MCC: variants seen among roughly 807,000 people sequenced by gnomAD.
MCC encodes the protein MCC regulator of Wnt signaling pathway, also known as colorectal mutant cancer protein.
A neutral mutation model predicts 116.2 loss-of-function variants in MCC; 90 were observed. That is an observed-to-expected ratio of 0.77 (90% CI 0.65 to 0.92). The LOEUF is 0.92. Ranked by LOEUF, MCC falls within the 40% of genes least tolerant of loss-of-function variation. The pLI, the probability that MCC is intolerant of heterozygous loss-of-function variation, is 0.00. For synonymous variants in MCC, 578 were observed against 510.5 expected, an observed-to-expected ratio of 1.13 and a Z score of -1.78; for missense variants, 1,516 against 1,312.2, an observed-to-expected ratio of 1.16 and a Z score of -2.40.
chr5:113,097,237 CAAA>C (rs1436494279), intron 8 of MCC, among the ~76,000 whole-genome samples: 1 of 151,856 alleles, frequency 6.6e-6, no homozygotes, highest in African/African-American at 2.4e-5. Context: ...TTAAAGAGGA[CAAA>C]GAAGAAAAAA....
chr5:113,168,596 G>T (rs1178621709), intron 3 of MCC, among the ~76,000 whole-genome samples: 1 of 152,196 alleles, frequency 6.6e-6, no homozygotes, highest in Admixed American at 6.5e-5. Context: ...TTTCTATGGT[G>T]AGTTCAAATT....
At chr5:113,308,450 A>T (rs531817394) in intron 3 of MCC, among the ~76,000 whole-genome samples, 1 of 152,276 alleles carries the variant, frequency 6.6e-6, no homozygotes, top group South Asian at 2.1e-4. Flanking sequence ...CAAACCAGAG[A>T]GTGCCCACTC....
chr5:113,035,331 C>T (rs2150209997), intron 17 of MCC, among the ~76,000 whole-genome samples: 1 of 152,324 alleles, frequency 6.6e-6, no homozygotes, highest in Middle Eastern at 3.4e-3. Context: ...TCACCACACC[C>T]AGGTCCAAGT....
intron 2 of MCC, among the ~76,000 whole-genome samples, chr5:113,356,872 G>A (rs1408559583): frequency 1.3e-5 from 2 of 152,218 alleles, no homozygotes; most frequent in African/African-American, 4.8e-5. Flanking sequence ...ACCAGATACT[G>A]TACTAAGCAT....
intron 6 of MCC, among the ~76,000 whole-genome samples, chr5:113,108,652 CAAA>C (rs58617659): frequency 2.0e-4 from 23 of 115,288 alleles, no homozygotes; most frequent in Non-Finnish European, 2.0e-4. Flanking sequence ...GACTCCATTT[CAAA>C]AAAAAAAAAA....
intron 1 of MCC, among the ~76,000 whole-genome samples, chr5:113,473,912 C>A (rs1208093051): frequency 6.6e-6 from 1 of 152,010 alleles, no homozygotes; most frequent in Non-Finnish European, 1.5e-5. Context: ...GTATTTCAGG[C>A]CTGAAAAGCT....
intron 1 of MCC, among the ~76,000 whole-genome samples, chr5:113,471,600 A>G (rs1175402800): frequency 6.6e-6 from 1 of 152,072 alleles, no homozygotes; most frequent in Non-Finnish European, 1.5e-5. Flanking sequence ...CCTCCCAGTT[A>G]GGCTACTCGG....
chr5:113,038,537 A>C (rs1321092128), intron 17 of MCC, among the ~76,000 whole-genome samples: 4 of 152,102 alleles, frequency 2.6e-5, no homozygotes, highest in Non-Finnish European at 5.9e-5. Context: ...TGGGAGGTGG[A>C]GGATGGGAAC....
chr5:113,057,205 C>A (rs543614514), intron 14 of MCC, among the ~76,000 whole-genome samples: 12 of 152,282 alleles, frequency 7.9e-5, no homozygotes, highest in African/African-American at 2.9e-4. Flanking sequence ...GGTGCCAGGT[C>A]ATGCAGCATT....
chr5:113,336,819 T>C (rs931406685), intron 3 of MCC, among the ~76,000 whole-genome samples: 11 of 152,368 alleles, frequency 7.2e-5, no homozygotes, highest in African/African-American at 2.4e-4. Flanking sequence ...GTGAACGGTA[T>C]GTTAAGCCTC....
Position 113,027,195 on chromosome 5 carries a change from C to A in MCC, c.*107G>T. 3 of 1,230,708 alleles carry A rather than the reference C, an allele frequency of 2.4e-6. No individual in the cohort carries two copies. Among genetic ancestry groups the A allele is most frequent in the Non-Finnish European group, 3.4e-6 (3 of 888,474 alleles). 76.2% of individuals were successfully genotyped at this position (1,230,708 alleles called of 1,614,324 possible). On this transcript the variant is annotated 3_prime_UTR_variant, in exon 19 of 19. Transcript: ENST00000408903. ...ATTGTCCAAGTGCCGACCTACCTGC[C>A]AGCCTTCCCTTTCCTCCTCCTCCCA...
intron 1 of MCC, among the ~76,000 whole-genome samples, chr5:113,446,424 A>C (rs1399967262): frequency 1.6e-5 from 2 of 123,400 alleles, no homozygotes; most frequent in African/African-American, 4.9e-5. Flanking sequence ...CCTTGTTAAA[A>C]AGTGGGCAAA....
chr5:113,434,770 C>T lies in MCC; in HGVS notation c.171-49558G>A. On this transcript the variant is annotated intron_variant, in intron 1 of 18. Coordinates refer to ENST00000408903, the MANE Select transcript of MCC (RefSeq NM_001085377.2). This position sits in a 1 kb window ranked among gnomAD's most constrained non-coding sequence, Gnocchi z 4.2. ...TCAGAGTAAGCAGATTTTACTTTTG[C>T]ATAGGAGCCCTCTCCTAAATTTATC... 2.5e-6 allele frequency: 4 copies of T among 1,613,974 alleles called. No homozygotes were observed. Among genetic ancestry groups the T allele is most frequent in the Non-Finnish European group, 2.5e-6 (3 of 1,179,872 alleles).
chr5:113,174,588 T>C (rs1761234136), intron 3 of MCC, among the ~76,000 whole-genome samples: 2 of 152,016 alleles, frequency 1.3e-5, no homozygotes, highest in African/African-American at 4.8e-5. Flanking sequence ...CGACATATAG[T>C]TAAAAAATAT....
intron 5 of MCC, among the ~76,000 whole-genome samples, chr5:113,130,583 G>A (rs1758363759): frequency 6.6e-6 from 1 of 152,178 alleles, no homozygotes; most frequent in Non-Finnish European, 1.5e-5. Flanking sequence ...TATTGGAGAT[G>A]GAGTCTAGTG....
At chr5:113,321,109 T>G (rs542736198) in intron 3 of MCC, among the ~76,000 whole-genome samples, 1 of 152,282 alleles carries the variant, frequency 6.6e-6, no homozygotes, top group Admixed American at 6.5e-5. Flanking sequence ...CAACTGAAAA[T>G]GCTAAATATA....
intron 1 of MCC, among the ~76,000 whole-genome samples, chr5:113,468,690 G>T (rs1303508859): frequency 6.6e-6 from 1 of 152,168 alleles, no homozygotes; most frequent in Non-Finnish European, 1.5e-5. Flanking sequence ...GATGATGCTG[G>T]CCTCATAAAA....
chr5:113,146,040 G>T (rs1189180752), intron 4 of MCC, among the ~76,000 whole-genome samples: 3 of 152,096 alleles, frequency 2.0e-5, no homozygotes, highest in Non-Finnish European at 4.4e-5. Flanking sequence ...GAAGTAACAA[G>T]AATATATTAG....
chr5:113,248,005 C>T (rs79682607), intron 3 of MCC, among the ~76,000 whole-genome samples: 2,154 of 152,116 alleles, frequency 0.014, 61 homozygotes, highest in African/African-American at 0.049. Context: ...TCCCAGATCT[C>T]AGCCTGGGGC....
Sources: gnomAD v4.1 joint callset for allele counts (sites outside exome capture counted in the v4.1 genomes callset) on GRCh38, gnomAD v4.1.1 for gene constraint, Gnocchi (gnomAD v3.1) non-coding constraint, MANE v1.5 for transcripts, NCBI Gene and HGNC (gene_info 2026-07-23, HGNC 2026-07-21) for gene names.